Variants in MAJIN observed in about 807,000 individuals in gnomAD.
The protein encoded by MAJIN is membrane-anchored junction protein.
In MAJIN, 27 loss-of-function variants were observed where a neutral mutation model predicts 30.2. The observed-to-expected ratio is 0.89, with a 90% CI of 0.66 to 1.23. MAJIN has a LOEUF of 1.23. Among genes scored for constraint, MAJIN ranks in the 50% most tolerant of loss-of-function variants. The pLI is 0.00. For synonymous variants in MAJIN, 78 were observed against 91.6 expected (o/e 0.85, Z 0.85); for missense variants, 253 against 260.3 (o/e 0.97, Z 0.19).
intron 8 of MAJIN, among the ~76,000 whole-genome samples, chr11:64,941,071 C>T (rs1383282801): frequency 2.0e-5 from 3 of 151,980 alleles, no homozygotes; most frequent in East Asian, 3.9e-4. Flanking sequence ...ATCTCCTGAC[C>T]TCATGATCTG....
intron 8 of MAJIN, chr11:64,946,019 G>C: frequency 2.2e-6 from 3 of 1,389,362 alleles, no homozygotes; most frequent in Non-Finnish European, 2.9e-6. Flanking sequence ...ATCCTGACTT[G>C]TAACAGAACA....
intron 4 of MAJIN, among the ~76,000 whole-genome samples, chr11:64,952,429 C>T (rs1420822521): frequency 1.3e-5 from 2 of 152,124 alleles, no homozygotes; most frequent in East Asian, 1.9e-4. Context: ...CTCAGGTGAT[C>T]CACCCGCCTT....
chr11:64,969,240 C>T (rs988921887), intron 1 of MAJIN, among the ~76,000 whole-genome samples: 2 of 152,014 alleles, frequency 1.3e-5, no homozygotes, highest in African/African-American at 4.8e-5. Context: ...GTGGATATAC[C>T]GAGGAGGCAG....
At chr11:64,939,589 A>G in intron 10 of MAJIN, 73 bp downstream of exon 10, 1 of 1,323,650 alleles carries the variant, frequency 7.6e-7, no homozygotes, top group East Asian at 2.3e-5. Flanking sequence ...TTTCTATTCT[A>G]ATTTCCCTGA....
chr11:64,940,759 G>T, intron 8 of MAJIN, 113 bp from the exon 9 acceptor site: 1 of 825,406 alleles, frequency 1.2e-6, no homozygotes. Context: ...CCTGGCTTCT[G>T]ACTGCCTAGA....
intron 10 of MAJIN, among the ~76,000 whole-genome samples, chr11:64,939,431 C>CT (rs1469184956): frequency 6.6e-6 from 1 of 152,310 alleles, no homozygotes; most frequent in East Asian, 1.9e-4. Flanking sequence ...TGGCTTTATC[C>CT]TGGACACATC....
rs1369849212 is a variant in MAJIN at position 64,947,785 on chromosome 11, T to TA, written c.381+2dup. 1 of 1,612,994 alleles carries TA rather than the reference T, an allele frequency of 6.2e-7. No homozygotes were observed. Among genetic ancestry groups the TA allele is most frequent in the Non-Finnish European group, 8.5e-7 (1 of 1,179,354 alleles). Reference sequence around the variant, plus strand: ...TCATTTTGTACAGAAAAGGCAAACTTACCAACCCAAGAGGACTGTCACTTA... The same window carrying TA: ...TCATTTTGTACAGAAAAGGCAAACTTAACCAACCCAAGAGGACTGTCACTTA... On this transcript the variant is annotated splice_region_variant and intron_variant, in intron 7 of 10. Coordinates refer to ENST00000301896, the MANE Select transcript of MAJIN (RefSeq NM_001037225.3).
rs1436256904 is a variant in MAJIN at position 64,960,070 on chromosome 11, C to G, written c.-18+19G>C. The G allele has an allele frequency of 6.6e-6, 1 of 152,206 alleles. No homozygotes were observed. Among genetic ancestry groups the G allele is most frequent in the Admixed American group, 6.5e-5 (1 of 15,268 alleles). 9.4% of individuals were successfully genotyped at this position (152,206 alleles called of 1,614,324 possible). On this transcript the variant is annotated intron_variant, in intron 2 of 10. Coordinates refer to ENST00000301896, the MANE Select transcript of MAJIN (RefSeq NM_001037225.3). Reference sequence around the variant, plus strand: ...CTTCCCTGTGTTCCAAGAGTGCCTACTATACCCCTAGCACTTACTGTTTTA... The same window carrying G: ...CTTCCCTGTGTTCCAAGAGTGCCTAGTATACCCCTAGCACTTACTGTTTTA...
intron 6 of MAJIN, among the ~76,000 whole-genome samples, chr11:64,948,602 C>CATATATATTCATAT (rs1554970964): frequency 5.1e-5 from 1 of 19,420 alleles, no homozygotes; most frequent in African/African-American, 2.3e-4. Context: ...CGGGCTACAT[C>CATATATATTCATAT]ATATATATAT....
chr11:64,959,553 C>T, intron 2 of MAJIN, 131 bp from the exon 3 acceptor site: 1 of 639,312 alleles, frequency 1.6e-6, no homozygotes, highest in South Asian at 2.0e-5. Context: ...TGCCTACGTA[C>T]CAGGATCATC....
chr11:64,971,060 C>G (rs1226699312), intron 1 of MAJIN, among the ~76,000 whole-genome samples: 2 of 151,908 alleles, frequency 1.3e-5, no homozygotes, highest in Non-Finnish European at 2.9e-5. Flanking sequence ...TTTGGGATGC[C>G]GAGGCGGGTG....
At chr11:64,947,566 GC>G in intron 7 of MAJIN, 101 bp from the exon 8 acceptor site, 1 of 1,258,914 alleles carries the variant, frequency 7.9e-7, no homozygotes, top group Non-Finnish European at 1.1e-6. Flanking sequence ...ACTGCCAAAG[GC>G]AACTTTTAAC....
At chr11:64,945,846 C>A (rs1381334292) in intron 8 of MAJIN, among the ~76,000 whole-genome samples, 3 of 152,186 alleles carry the variant, frequency 2.0e-5, no homozygotes, top group Non-Finnish European at 2.9e-5. Context: ...AAAGAGAGGA[C>A]TTTTTAACAA....
At chr11:64,960,209 C>G (rs1158060483) in intron 1 of MAJIN, 74 bp from the exon 2 acceptor site, 1 of 152,014 alleles carries the variant, frequency 6.6e-6, no homozygotes, top group Non-Finnish European at 1.5e-5. Context: ...TCCTAAGGAT[C>G]AAAACTAGTT....
chr11:64,971,033 A>G (rs1204541920), intron 1 of MAJIN, among the ~76,000 whole-genome samples: 3 of 152,114 alleles, frequency 2.0e-5, no homozygotes, highest in Non-Finnish European at 4.4e-5. Context: ...AGCGGCTCAC[A>G]CCTGTAATCC....
intron 8 of MAJIN, among the ~76,000 whole-genome samples, chr11:64,945,009 G>T (rs769234277): frequency 6.6e-6 from 1 of 152,122 alleles, no homozygotes; most frequent in Non-Finnish European, 1.5e-5. Flanking sequence ...CACTGCTCTA[G>T]AAGTTTTCTC....
At chr11:64,943,579 T>TAA (rs1227922077) in intron 8 of MAJIN, among the ~76,000 whole-genome samples, 1 of 152,218 alleles carries the variant, frequency 6.6e-6, no homozygotes, top group African/African-American at 2.4e-5. Flanking sequence ...ATCACCTTAA[T>TAA]TTAGGAGAAA....
chr11:64,946,281 T>C, intron 8 of MAJIN: 1 of 1,105,504 alleles, frequency 9.0e-7, no homozygotes, highest in Non-Finnish European at 1.2e-6. Flanking sequence ...GCTGGCAGAA[T>C]AAATTGGGTG....
intron 1 of MAJIN, among the ~76,000 whole-genome samples, chr11:64,961,577 G>A (rs1945726619): frequency 1.4e-5 from 2 of 140,968 alleles, no homozygotes; most frequent in Admixed American, 7.9e-5. Context: ...CCAGGTTCAC[G>A]CCATTCTCCT....
Sources: allele counts gnomAD v4.1 joint callset (sites outside exome capture counted in the v4.1 genomes callset), GRCh38; gene constraint gnomAD v4.1.1; transcripts MANE v1.5; gene names NCBI Gene and HGNC (gene_info 2026-07-23, HGNC 2026-07-21).